The following ADAM19 variants were observed in gnomAD, a reference collection of about 807,000 sequenced individuals.
ADAM19 encodes ADAM metallopeptidase domain 19, also known as disintegrin and metalloproteinase domain-containing protein 19.
A neutral mutation model predicts 114.7 loss-of-function variants in ADAM19; 65 were observed. That is an observed-to-expected ratio of 0.57 (90% CI 0.46 to 0.70). The LOEUF (loss-of-function observed/expected upper bound fraction) is 0.70. ADAM19 is among the 30% of genes least tolerant of loss of function. The pLI is 0.00. For missense variants in ADAM19, 1,063 were observed against 1,204.7 expected (o/e 0.88, Z 1.74); for synonymous variants, 466 against 460.5 (o/e 1.01, Z -0.15).
chr5:157,509,761 G>C (rs1030225116), intron 8 of ADAM19, among the ~76,000 whole-genome samples: 5 of 152,158 alleles, frequency 3.3e-5, no homozygotes, highest in African/African-American at 9.7e-5. Context: ...GAACTGCAGT[G>C]ACTTTGTTTA....
Position 157,575,754 on chromosome 5 carries a change from G to T in ADAM19, c.-58C>A. ...ACGCCCTCAGCCATACCTGCCCACT[G>T]CCCGGCGGTGGAGGCGCGTCTGGAA... is the stretch of plus-strand genomic sequence containing the variant. On this transcript the variant is annotated 5_prime_UTR_variant, in exon 1 of 23. Coordinates refer to ENST00000257527, the MANE Select transcript of ADAM19 (RefSeq NM_033274.5). 2 of 1,202,666 alleles carry T rather than the reference G, an allele frequency of 1.7e-6. No individual in the cohort carries two copies. The highest frequency in any genetic ancestry group is 3.2e-5 in the East Asian group (1 of 31,336). 74.5% of individuals were successfully genotyped at this position (1,202,666 alleles called of 1,614,324 possible).
chr5:157,564,362 A>C lies in ADAM19; in HGVS notation c.251+11T>G, dbSNP rs1234040814. 1 of 1,612,898 alleles carries C rather than the reference A, an allele frequency of 6.2e-7. No homozygotes were observed. Among genetic ancestry groups the C allele is most frequent in the South Asian group, 1.1e-5 (1 of 91,058 alleles). ...TTTGTTTCATTTTAGACAAAGGAGG[A>C]GTCCACTTACTCATTCTTCTCCAGG... On this transcript the variant is annotated intron_variant, in intron 3 of 22. Transcript: ENST00000257527.
In ADAM19 at chr5:157,505,703, C is replaced by G; in HGVS notation, c.1096G>C (p.Ala366Pro). Residue 366 changes from alanine to proline, a missense_variant, in exon 11 of 23, where the codon GCT becomes CCT. Transcript: ENST00000257527. ...GCTGCCATGATGCACCCACCATCAG[C>G]CGCACTGGCCGAGCAGCAATCTGCA... The part of the protein sequence containing the change: ...DSADCCSASA[A>P]DGGCIMAAAT... 1 of 1,614,140 alleles carries G rather than the reference C, an allele frequency of 6.2e-7. No homozygotes were observed. The highest frequency in any genetic ancestry group is 1.1e-5 in the South Asian group (1 of 91,074).
Position 157,509,291 on chromosome 5 carries a change from G to A in ADAM19, c.905+10C>T. On this transcript the variant is annotated intron_variant, in intron 9 of 22. Transcript: ENST00000257527. Reference sequence around the variant, plus strand: ...AAGGACAACACAACATATGGAAAAAGGCTATTTACGTGATTAATTGGGCGT... The same window carrying A: ...AAGGACAACACAACATATGGAAAAAAGCTATTTACGTGATTAATTGGGCGT... The A allele has an allele frequency of 6.2e-7, 1 of 1,601,176 alleles. No individual in the cohort carries two copies. Among genetic ancestry groups the A allele is most frequent in the Non-Finnish European group, 8.5e-7 (1 of 1,171,536 alleles).
At chr5:157,556,804 A>G (rs1223932660) in intron 3 of ADAM19, among the ~76,000 whole-genome samples, 2 of 152,230 alleles carry the variant, frequency 1.3e-5, no homozygotes, top group Non-Finnish European at 2.9e-5. Context: ...AAGGGTTGCC[A>G]TGAGGATTCA....
chr5:157,529,504 G>T (rs6866822), intron 5 of ADAM19, among the ~76,000 whole-genome samples: 87,888 of 151,958 alleles, frequency 0.58, 26,810 homozygotes, highest in African/African-American at 0.77. Flanking sequence ...GACTGTAATG[G>T]GCACACAAAT....
chr5:157,566,258 A>T (rs1052217399), intron 2 of ADAM19: 7 of 152,340 alleles, frequency 4.6e-5, no homozygotes, highest in African/African-American at 1.7e-4. Context: ...TAGTTGTTAA[A>T]TTACTGACAA....
chr5:157,507,144 C>G lies in ADAM19; in HGVS notation c.906-4G>C, dbSNP rs777954632. The G allele has an allele frequency of 6.2e-7, 1 of 1,613,694 alleles. No individual in the cohort carries two copies. Among genetic ancestry groups the G allele is most frequent in the Admixed American group, 1.7e-5 (1 of 60,002 alleles). ...GGTGCCGTGGAAGGACATGCCCCTG[C>G]AGGAGGCAAGGAGAGACGGTGACCG... On this transcript the variant is annotated splice_region_variant and splice_polypyrimidine_tract_variant and intron_variant, in intron 9 of 22. Coordinates refer to ENST00000257527, the MANE Select transcript of ADAM19 (RefSeq NM_033274.5).
In ADAM19 at chr5:157,478,767, C is replaced by T; in HGVS notation, c.*2182G>A. 1.0e-6 allele frequency: 1 copy of T among 985,562 alleles called. No homozygotes were observed. The highest frequency in any genetic ancestry group is 1.2e-6 in the Non-Finnish European group (1 of 829,744). 61.1% of individuals were successfully genotyped at this position (985,562 alleles called of 1,614,324 possible). A position where few individuals can be genotyped will look rare whatever the true frequency, so the allele number is the denominator to read the frequency against. The stretch of plus-strand genomic sequence containing the variant: ...TGGAGGTGATATGAAAATAATAAAA[C>T]AAAACAAAACAAAAAGCAAGAAAAC... On this transcript the variant is annotated 3_prime_UTR_variant, in exon 23 of 23. Coordinates refer to ENST00000257527, the MANE Select transcript of ADAM19 (RefSeq NM_033274.5).
chr5:157,497,956 T>G (rs1755421206), intron 13 of ADAM19, among the ~76,000 whole-genome samples: 1 of 152,220 alleles, frequency 6.6e-6, no homozygotes, highest in South Asian at 2.1e-4. Flanking sequence ...TTTCTGAGGC[T>G]CAAACGGAAA....
chr5:157,503,072 G>A, intron 11 of ADAM19, 92 bp from the exon 12 acceptor site: 6 of 1,247,026 alleles, frequency 4.8e-6, no homozygotes, highest in Non-Finnish European at 6.8e-6. Flanking sequence ...CTACCCGTGG[G>A]GCTGACTCCA....
intron 7 of ADAM19, among the ~76,000 whole-genome samples, chr5:157,514,833 T>TA (rs1218635126): frequency 6.6e-6 from 1 of 152,194 alleles, no homozygotes; most frequent in Non-Finnish European, 1.5e-5. Flanking sequence ...AAATTACATT[T>TA]AAAAATGATG....
At chr5:157,498,204 G>A (rs754698282) in intron 13 of ADAM19, among the ~76,000 whole-genome samples, 75 of 131,558 alleles carry the variant, frequency 5.7e-4, no homozygotes, top group Non-Finnish European at 8.9e-4. Flanking sequence ...CTTCTCCACC[G>A]GCCACTCTCA....
At chr5:157,562,830 G>A (rs1757546328) in intron 3 of ADAM19, among the ~76,000 whole-genome samples, 1 of 152,166 alleles carries the variant, frequency 6.6e-6, no homozygotes, top group Admixed American at 6.5e-5. Context: ...GGGAAGGATA[G>A]AGACTTGAGT....
rs767200476 is a variant in ADAM19, at chr5:157,497,073, G to T, written c.1415C>A (p.Thr472Asn). ...CHQCKLLAPG[T>N]LCREQARQCD... The stretch of plus-strand genomic sequence containing the variant: ...CTGCCTGGCCTGCTCGCGGCACAGG[G>T]TCCCAGGAGCCAACAGCTGAGCCAA... The change falls in exon 14 of 23, where the codon ACC becomes AAC. Residue 472 changes from threonine (T) to asparagine (N), a missense_variant. Around this residue, in one of 3 missense-constraint regions of ADAM19, gnomAD observed 615 missense variants for 706.3 expected, o/e 0.87. Coordinates refer to ENST00000257527, the MANE Select transcript of ADAM19 (RefSeq NM_033274.5). The T allele has an allele frequency of 1.0e-5, 16 of 1,526,622 alleles. No homozygotes were observed. The highest frequency in any genetic ancestry group is 1.4e-5 in the Non-Finnish European group (16 of 1,143,722). 94.6% of individuals were successfully genotyped at this position (1,526,622 alleles called of 1,614,324 possible). A position where few individuals can be genotyped will look rare whatever the true frequency, so the allele number is the denominator to read the frequency against.
Position 157,480,646 on chromosome 5 carries a change from C to T in ADAM19, c.*303G>A. Reference sequence around the variant, plus strand: ...TGGCCTTGAGCATCTCCATCAGCACCTCGGGGCTAGGAGTCTGGAGGAGAA... The same window carrying T: ...TGGCCTTGAGCATCTCCATCAGCACTTCGGGGCTAGGAGTCTGGAGGAGAA... On this transcript the variant is annotated 3_prime_UTR_variant, in exon 23 of 23. Coordinates refer to ENST00000257527, the MANE Select transcript of ADAM19 (RefSeq NM_033274.5). 3.3e-6 allele frequency: 4 copies of T among 1,195,136 alleles called. No individual in the cohort carries two copies. The highest frequency in any genetic ancestry group is 4.2e-6 in the Non-Finnish European group (4 of 957,740). The allele number at this position is 1,195,136 out of a possible 1,614,324, so 74.0% of individuals were successfully genotyped here. A position where few individuals can be genotyped will look rare whatever the true frequency, so the allele number is the denominator to read the frequency against.
chr5:157,552,677 CAAAAAAAAA>C (rs778402112), intron 3 of ADAM19, among the ~76,000 whole-genome samples: 7 of 59,382 alleles, frequency 1.2e-4, no homozygotes, highest in Non-Finnish European at 2.0e-4. Context: ...GGACTCTACT[CAAAAAAAAA>C]AAAAAAAAAA....
chr5:157,564,464 ATGTCAG>A (rs775227469), intron 2 of ADAM19, 21 bp from the exon 3 acceptor site: 2 of 1,613,178 alleles, frequency 1.2e-6, no homozygotes, highest in African/African-American at 2.7e-5. Context: ...CAACAAAACA[ATGTCAG>A]TTCCTAAAAG....
At chr5:157,536,502 C>T (rs1011575668) in intron 4 of ADAM19, among the ~76,000 whole-genome samples, 41 of 152,140 alleles carry the variant, frequency 2.7e-4, no homozygotes, top group African/African-American at 9.4e-4. Context: ...GTGATGCATG[C>T]CTGTAATCCC....
Sources: gnomAD v4.1 joint callset for allele counts (sites outside exome capture counted in the v4.1 genomes callset) on GRCh38, gnomAD v4.1.1 for gene constraint, gnomAD v4.1.1 regional missense constraint, MANE v1.5 for transcripts, NCBI Gene and HGNC (gene_info 2026-07-23, HGNC 2026-07-21) for gene names.